TENT5D: variants seen among roughly 807,000 people sequenced by gnomAD.
TENT5D encodes terminal nucleotidyltransferase 5D, also known as cancer/testis antigen 112.
For missense variants in TENT5D, 191 were observed against 287.0 expected, an observed-to-expected ratio of 0.67 and a Z score of 2.42; for synonymous variants, 103 against 100.6, an observed-to-expected ratio of 1.02 and a Z score of -0.15.
At chrX:80,402,268 T>C (rs1206374895) in intron 3 of TENT5D, among the ~76,000 whole-genome samples, 1 of 111,971 alleles carries the variant, frequency 8.9e-6, no homozygotes, top group Non-Finnish European at 1.9e-5. Context: ...TTTCTGATTT[T>C]ATTTATTTGA....
intron 3 of TENT5D, among the ~76,000 whole-genome samples, chrX:80,363,042 C>A (rs756659988): frequency 9.9e-5 from 11 of 111,367 alleles, no homozygotes; most frequent in Non-Finnish European, 2.1e-4. Flanking sequence ...TTTTTCTAAG[C>A]TGTTACTAGT....
intron 3 of TENT5D, among the ~76,000 whole-genome samples, chrX:80,411,270 T>C (rs1011810119): frequency 7.2e-5 from 8 of 111,721 alleles, no homozygotes; most frequent in Middle Eastern, 9.4e-3. Flanking sequence ...AAAATTTCAG[T>C]GTTCTAACCA....
chrX:80,411,259 GA>G (rs1931660040), intron 3 of TENT5D, among the ~76,000 whole-genome samples: 1 of 110,598 alleles, frequency 9.0e-6, no homozygotes, highest in South Asian at 3.8e-4. Context: ...AAAAAAGAAA[GA>G]AAATTTCAGT....
chrX:80,349,765 C>G (rs1278606659), intron 3 of TENT5D, among the ~76,000 whole-genome samples: 2 of 110,927 alleles, frequency 1.8e-5, no homozygotes, highest in Non-Finnish European at 3.8e-5. Context: ...TTAGATCTTT[C>G]CTGCTTTCTG....
In TENT5D at chrX:80,360,574, T is replaced by C. The variant is rs148354200; in HGVS notation, c.-142+18010T>C. Among the ~76,000 whole-genome samples, 8 of 112,149 alleles carry C rather than the reference T, an allele frequency of 7.1e-5. No homozygotes were observed. In the East Asian group the frequency reaches 2.2e-3, roughly 31 times the overall value. On this transcript the variant is annotated intron_variant, in intron 3 of 4. Coordinates refer to the TENT5D transcript ENST00000538312. ...AATCGTTTTTGTTAAATTATGATAA[T>C]TATTTTTCTTAAAGTTTTTGGTCTT... is the stretch of plus-strand genomic sequence containing the variant.
Position 80,365,426 on chromosome X carries a change from C to T in TENT5D, c.-142+22862C>T, listed in dbSNP as rs914435510. ...ATGTAAGAAACATCAGAATCATCCA[C>T]TGCATATGTTTTCATGGCTTGGTGT... is the stretch of plus-strand genomic sequence containing the variant. On this transcript the variant is annotated intron_variant, in intron 3 of 4. Transcript: ENST00000538312. 6.3e-5 allele frequency among the ~76,000 whole-genome samples: 7 copies of T among 111,593 alleles called. No individual in the cohort carries two copies. The East Asian group carries it at 1.1e-3, about 18-fold the overall frequency.
intron 2 of TENT5D, among the ~76,000 whole-genome samples, chrX:80,341,872 C>T (rs1320175553): frequency 9.4e-6 from 1 of 106,370 alleles, no homozygotes; most frequent in African/African-American, 3.4e-5. Flanking sequence ...CTACCACGCC[C>T]GGCTAATTTT....
chrX:80,346,788 C>T (rs1332911681), intron 3 of TENT5D, among the ~76,000 whole-genome samples: 1 of 110,592 alleles, frequency 9.0e-6, no homozygotes, highest in Non-Finnish European at 1.9e-5. Context: ...TTTTCAGCCC[C>T]GCATGCATTA....
intron 2 of TENT5D, among the ~76,000 whole-genome samples, chrX:80,441,964 A>G (rs1932290952): frequency 9.0e-6 from 1 of 111,175 alleles, no homozygotes; most frequent in African/African-American, 3.2e-5. Flanking sequence ...TCATACTCTA[A>G]CAGAAGACTT....
At chrX:80,352,847 G>T (rs1930213156) in intron 3 of TENT5D, among the ~76,000 whole-genome samples, 1 of 110,456 alleles carries the variant, frequency 9.1e-6, no homozygotes. Flanking sequence ...TTCCTGGTCT[G>T]TGGACTGGAA....
intron 3 of TENT5D, among the ~76,000 whole-genome samples, chrX:80,385,588 A>C (rs370595837): frequency 8.9e-6 from 1 of 112,124 alleles, no homozygotes; most frequent in African/African-American, 3.2e-5. Context: ...TAATTAAACT[A>C]AAGAGCTTCT....
At chrX:80,379,734 G>A (rs746718197) in intron 3 of TENT5D, among the ~76,000 whole-genome samples, 2 of 111,131 alleles carry the variant, frequency 1.8e-5, no homozygotes, top group African/African-American at 6.5e-5. Context: ...AGATTTTCTA[G>A]TTTATTTGCA....
exon 3 of TENT5D, chrX:80,443,368 C>A (rs908650103): frequency 1.9e-5 from 23 of 1,208,845 alleles, no homozygotes; most frequent in Non-Finnish European, 2.5e-5. Context: ...AGAAGAACAG[C>A]AAAAGAAAAT....
At chrX:80,438,944 C>T (rs1932232248) in intron 2 of TENT5D, among the ~76,000 whole-genome samples, 1 of 110,940 alleles carries the variant, frequency 9.0e-6, no homozygotes, top group African/African-American at 3.3e-5. Context: ...TTTGCATTCC[C>T]AGATGAATTT....
At chrX:80,341,957 C>T (rs1380999330) in intron 2 of TENT5D, among the ~76,000 whole-genome samples, 2 of 108,856 alleles carry the variant, frequency 1.8e-5, no homozygotes, top group East Asian at 2.9e-4. Flanking sequence ...GTGATCCGCC[C>T]GCCTCGGCCT....
At chrX:80,418,242 T>C (rs1213943569), upstream of TENT5D, among the ~76,000 whole-genome samples, 1 of 110,220 alleles carries the variant, frequency 9.1e-6, no homozygotes, top group African/African-American at 3.3e-5. Flanking sequence ...CTCGAACTCC[T>C]GAGCTCAAGT....
chrX:80,350,457 G>T (rs1428390433), intron 3 of TENT5D, among the ~76,000 whole-genome samples: 1 of 109,961 alleles, frequency 9.1e-6, no homozygotes, highest in Non-Finnish European at 1.9e-5. Context: ...TTTATCACAG[G>T]CTAGTATTGC....
intron 3 of TENT5D, among the ~76,000 whole-genome samples, chrX:80,378,520 C>G (rs138156100): frequency 9.1e-6 from 1 of 109,925 alleles, no homozygotes; most frequent in African/African-American, 3.3e-5. Flanking sequence ...TTGTCAGGAC[C>G]ATTATTAAAT....
chrX:80,348,007 C>T (rs1275441189), intron 3 of TENT5D, among the ~76,000 whole-genome samples: 1 of 111,150 alleles, frequency 9.0e-6, no homozygotes, highest in African/African-American at 3.3e-5. Context: ...ATTTCTGAGG[C>T]CTCTGTTCTA....
Sources: gnomAD v4.1 joint callset for allele counts (sites outside exome capture counted in the v4.1 genomes callset) on GRCh38, gnomAD v4.1.1 for gene constraint, MANE v1.5 for transcripts, NCBI Gene and HGNC (gene_info 2026-07-23, HGNC 2026-07-21) for gene names.